Variants in SLC9B1 observed in about 807,000 individuals in gnomAD.
SLC9B1 encodes sodium/hydrogen exchanger 9B1.
A neutral mutation model predicts 51.7 loss-of-function variants in SLC9B1; 32 were observed. The ratio of observed to expected loss-of-function variants is 0.62; its 90% CI spans 0.47 to 0.83. The LOEUF is 0.83. Among genes scored for constraint, SLC9B1 ranks in the 40% least tolerant of loss-of-function variants. The pLI is 0.00. For missense variants in SLC9B1, 406 were observed against 613.2 expected (o/e 0.66, Z 3.57); for synonymous variants, 145 against 212.7 (o/e 0.68, Z 2.77).
intron 7 of SLC9B1, among the ~76,000 whole-genome samples, chr4:102,926,907 G>A (rs530389713): frequency 5.9e-5 from 9 of 152,244 alleles, no homozygotes; most frequent in African/African-American, 1.9e-4. Flanking sequence ...CAGATATATA[G>A]ACCAATGGAA....
chr4:102,917,721 A>C (rs1735653665), intron 7 of SLC9B1, among the ~76,000 whole-genome samples: 2 of 152,168 alleles, frequency 1.3e-5, no homozygotes, highest in South Asian at 4.1e-4. Flanking sequence ...CACCTCAAGA[A>C]ACTGGAAAAA....
chr4:102,949,053 G>A (rs1737411428), intron 4 of SLC9B1, among the ~76,000 whole-genome samples: 1 of 152,062 alleles, frequency 6.6e-6, no homozygotes, highest in Non-Finnish European at 1.5e-5. Context: ...GATAAAACTT[G>A]TGTGTATATA....
chr4:103,017,128 G>C (rs1741407870), intron 1 of SLC9B1: 2 of 152,140 alleles, frequency 1.3e-5, no homozygotes, highest in South Asian at 4.1e-4. Context: ...TTAGGGGCTA[G>C]AGGTGACTCC....
At chr4:102,943,166 T>TAAA (rs139951941) in intron 6 of SLC9B1, among the ~76,000 whole-genome samples, 5 of 144,206 alleles carry the variant, frequency 3.5e-5, no homozygotes, top group African/African-American at 1.3e-4. Context: ...ATCAAAAAAA[T>TAAA]AAAAAAAAAA....
intron 3 of SLC9B1, among the ~76,000 whole-genome samples, chr4:102,980,387 C>A (rs1739290536): frequency 6.6e-6 from 1 of 152,156 alleles, no homozygotes; most frequent in Non-Finnish European, 1.5e-5. Context: ...AAATGTGGTA[C>A]ATATACCATG....
At chr4:102,999,466 C>A (rs1277157537) in intron 1 of SLC9B1, among the ~76,000 whole-genome samples, 1 of 152,106 alleles carries the variant, frequency 6.6e-6, no homozygotes, top group Non-Finnish European at 1.5e-5. Context: ...CTCTTTAACT[C>A]AAAAATCTGG....
At chr4:102,911,976 T>C in intron 7 of SLC9B1, 1 of 191,120 alleles carries the variant, frequency 5.2e-6, no homozygotes, top group Non-Finnish European at 1.1e-5. Flanking sequence ...CTACTAAAAA[T>C]ACAAAAATTA....
chr4:102,985,032 G>T (rs1739542391), intron 3 of SLC9B1, among the ~76,000 whole-genome samples: 1 of 152,130 alleles, frequency 6.6e-6, no homozygotes, highest in Non-Finnish European at 1.5e-5. Context: ...ATTAAGGATT[G>T]TCATGTCTTT....
chr4:102,965,100 G>A (rs986000964), intron 3 of SLC9B1, among the ~76,000 whole-genome samples: 2 of 151,834 alleles, frequency 1.3e-5, no homozygotes, highest in Non-Finnish European at 2.9e-5. Flanking sequence ...TACAAAAATC[G>A]GTTATATATA....
chr4:102,954,554 G>C (rs1441738750), intron 3 of SLC9B1, among the ~76,000 whole-genome samples: 1 of 151,878 alleles, frequency 6.6e-6, no homozygotes, highest in African/African-American at 2.4e-5. Flanking sequence ...AACAATAGAA[G>C]ATGGAAGATA....
At chr4:102,922,327 A>G (rs539313545) in intron 7 of SLC9B1, among the ~76,000 whole-genome samples, 3 of 152,358 alleles carry the variant, frequency 2.0e-5, no homozygotes, top group Non-Finnish European at 4.4e-5. Flanking sequence ...AAATAACAAA[A>G]TGAAGGCAGA....
At chr4:102,964,948 A>C (rs1738342556) in intron 3 of SLC9B1, among the ~76,000 whole-genome samples, 1 of 152,146 alleles carries the variant, frequency 6.6e-6, no homozygotes, top group Non-Finnish European at 1.5e-5. Flanking sequence ...TGGAAAAAAG[A>C]CAACTCTTTT....
chr4:102,941,413 T>C (rs112019642), intron 6 of SLC9B1: 312 of 452,556 alleles, frequency 6.9e-4, no homozygotes, highest in African/African-American at 5.5e-3. Context: ...TCACTAACAT[T>C]AGAGAAATGC....
chr4:102,949,479 A>G (rs1450560089), intron 3 of SLC9B1, 52 bp from the exon 4 acceptor site: 2 of 1,380,470 alleles, frequency 1.4e-6, no homozygotes, highest in Non-Finnish European at 1.9e-6. Context: ...ATAGATGTAT[A>G]CAAACAAAGG....
chr4:102,911,317 G>A (rs1735322316), intron 8 of SLC9B1, 114 bp downstream of exon 8: 2 of 689,640 alleles, frequency 2.9e-6, no homozygotes, highest in Non-Finnish European at 4.8e-6. Flanking sequence ...AGGCATTGGA[G>A]GCTAGTTTTA....
intron 11 of SLC9B1, among the ~76,000 whole-genome samples, chr4:102,903,645 C>G (rs1247797749): frequency 6.6e-6 from 1 of 152,186 alleles, no homozygotes; most frequent in Non-Finnish European, 1.5e-5. Context: ...GGAATAACAA[C>G]TAAGAAAAGA....
chr4:102,905,644 G>C lies in SLC9B1; in HGVS notation c.1202C>G (p.Ser401Cys), dbSNP rs991035769. Residue 401 changes from serine to cysteine, a missense_variant, in exon 11 of 12, where the codon TCT becomes TGT. Around this residue, in one of 6 missense-constraint regions of SLC9B1, gnomAD observed 250 missense variants for 394.1 expected, o/e 0.63. Coordinates refer to ENST00000296422, the MANE Select transcript of SLC9B1 (RefSeq NM_139173.4). ...SSLESNIVGI[S>C]VATLSLALCV... ...TAATGCCAAACTTAGAGTGGCAACAGATATGCCTACAACAGATGAAAACAA... is the reference window on the plus strand; with the variant it reads ...TAATGCCAAACTTAGAGTGGCAACACATATGCCTACAACAGATGAAAACAA... 53 of 1,610,850 alleles carry C rather than the reference G, an allele frequency of 3.3e-5. No homozygotes were observed. The highest frequency in any genetic ancestry group is 4.1e-5 in the Non-Finnish European group (48 of 1,179,366).
intron 1 of SLC9B1, among the ~76,000 whole-genome samples, chr4:103,010,688 T>C (rs888816864): frequency 6.6e-6 from 1 of 152,156 alleles, no homozygotes; most frequent in African/African-American, 2.4e-5. Context: ...AGGAAATAAA[T>C]GCTGTATCTT....
intron 11 of SLC9B1, among the ~76,000 whole-genome samples, chr4:102,886,901 T>C (rs1733954110): frequency 1.3e-5 from 2 of 152,350 alleles, no homozygotes; most frequent in East Asian, 3.9e-4. Context: ...AGGCGTAAAC[T>C]ACCGCACCAG....
Sources: allele counts gnomAD v4.1 joint callset (sites outside exome capture counted in the v4.1 genomes callset), GRCh38; gene constraint gnomAD v4.1.1; regional missense constraint gnomAD v4.1.1; transcripts MANE v1.5; gene names NCBI Gene and HGNC (gene_info 2026-07-23, HGNC 2026-07-21).